Variants in TMEM164 observed in about 807,000 individuals in gnomAD.
TMEM164 encodes RP13-360B22.2.
A neutral mutation model predicts 18.8 loss-of-function variants in TMEM164; 4 were observed. The observed-to-expected ratio is 0.21, with a 90% confidence interval of 0.10 to 0.49. The LOEUF (loss-of-function observed/expected upper bound fraction) is 0.49. TMEM164 is among the 20% of genes least tolerant of loss of function. The pLI is 0.98. For missense variants in TMEM164, 108 were observed against 239.9 expected (o/e 0.45, Z 3.63); for synonymous variants, 86 against 101.7 (o/e 0.85, Z 0.93).
At chrX:110,110,812 A>C (rs2066280593) in intron 4 of TMEM164, among the ~76,000 whole-genome samples, 4 of 112,410 alleles carry the variant, frequency 3.6e-5, no homozygotes, top group African/African-American at 1.3e-4. Context: ...CAGTTACTCC[A>C]AGTGTGTAAC....
At chrX:110,152,512 T>C (rs2066958075) in intron 5 of TMEM164, among the ~76,000 whole-genome samples, 1 of 111,872 alleles carries the variant, frequency 8.9e-6, no homozygotes. Flanking sequence ...TACATTTAAG[T>C]CTTTTATTCA....
intron 2 of TMEM164, among the ~76,000 whole-genome samples, chrX:110,011,135 AAG>A (rs752878502): frequency 8.9e-6 from 1 of 111,950 alleles, no homozygotes; most frequent in African/African-American, 3.3e-5. Flanking sequence ...TGGAGATTCA[AAG>A]AGAAATAAGA....
rs1213302827 is a variant in TMEM164, at chrX:110,175,907, A to G, written c.*2456A>G. On this transcript the variant is annotated 3_prime_UTR_variant, in exon 7 of 7. Coordinates refer to ENST00000372068, the MANE Select transcript of TMEM164 (RefSeq NM_032227.4). Reference sequence around the variant, plus strand: ...GGCAGCCTGCCTTACAGGGTAGCCCACCTTATAGGGTAGCCCTCATATCTG... The same window carrying G: ...GGCAGCCTGCCTTACAGGGTAGCCCGCCTTATAGGGTAGCCCTCATATCTG... The G allele has an allele frequency of 4.0e-6, 3 of 754,245 alleles. No individual in the cohort carries two copies. Among genetic ancestry groups the G allele is most frequent in the Admixed American group, 8.7e-5 (1 of 11,494 alleles). 62.2% of individuals were successfully genotyped at this position (754,245 alleles called of 1,213,427 possible). A position where few individuals can be genotyped will look rare whatever the true frequency, so the allele number is the denominator to read the frequency against.
intron 3 of TMEM164, among the ~76,000 whole-genome samples, chrX:110,105,092 T>C (rs1239740181): frequency 9.2e-6 from 1 of 109,251 alleles, no homozygotes; most frequent in Non-Finnish European, 1.9e-5. Flanking sequence ...TATTCCTTTT[T>C]CCCTTCCTGT....
intron 2 of TMEM164, among the ~76,000 whole-genome samples, chrX:110,062,473 T>A (rs1260207638): frequency 9.0e-6 from 1 of 111,397 alleles, no homozygotes; most frequent in East Asian, 2.8e-4. Flanking sequence ...GGAATAGCAA[T>A]TTAAATAATT....
At chrX:110,109,214 T>C in intron 4 of TMEM164, 68 bp downstream of exon 4, 1 of 1,053,351 alleles carries the variant, frequency 9.5e-7, no homozygotes, top group Non-Finnish European at 1.3e-6. Flanking sequence ...GCCCATGTGA[T>C]TTTAAAAATA....
chrX:110,085,645 G>A (rs956857101), intron 3 of TMEM164, among the ~76,000 whole-genome samples: 4 of 111,087 alleles, frequency 3.6e-5, no homozygotes, highest in Non-Finnish European at 7.5e-5. Context: ...GTTTCACAGT[G>A]TCTGTCAGCT....
intron 2 of TMEM164, among the ~76,000 whole-genome samples, chrX:110,050,352 T>C (rs761214905): frequency 9.8e-5 from 11 of 111,952 alleles, no homozygotes; most frequent in Non-Finnish European, 2.1e-4. Context: ...GAAAGTGCTG[T>C]AATTTGAGGG....
chrX:110,165,001 C>T (rs781158065), intron 5 of TMEM164, among the ~76,000 whole-genome samples: 2 of 112,678 alleles, frequency 1.8e-5, no homozygotes, highest in South Asian at 7.3e-4. Flanking sequence ...TATCCTGTTC[C>T]CTTTTCCTGG....
At chrX:110,141,735 A>C (rs2066773433) in intron 4 of TMEM164, among the ~76,000 whole-genome samples, 1 of 112,595 alleles carries the variant, frequency 8.9e-6, no homozygotes, top group South Asian at 3.7e-4. Context: ...TACATGGTAC[A>C]TAATATAAGT....
chrX:110,015,607 C>A (rs1933318757), intron 2 of TMEM164, among the ~76,000 whole-genome samples: 1 of 110,090 alleles, frequency 9.1e-6, no homozygotes, highest in African/African-American at 3.3e-5. Context: ...ATTCTCTGCA[C>A]CCTGCAGGAA....
intron 5 of TMEM164, among the ~76,000 whole-genome samples, chrX:110,149,641 C>T (rs1384671864): frequency 8.9e-6 from 1 of 111,921 alleles, no homozygotes; most frequent in Non-Finnish European, 1.9e-5. Flanking sequence ...TATGGTTTTG[C>T]CTGCTTTCAC....
At chrX:110,054,772 C>G (rs184142570) in intron 2 of TMEM164, among the ~76,000 whole-genome samples, 2 of 111,770 alleles carry the variant, frequency 1.8e-5, no homozygotes, top group African/African-American at 6.5e-5. Flanking sequence ...TCAGCTTACC[C>G]AGGGCTGTTG....
At chrX:110,024,858 A>G (rs1186046726) in intron 2 of TMEM164, among the ~76,000 whole-genome samples, 2 of 112,089 alleles carry the variant, frequency 1.8e-5, no homozygotes, top group Non-Finnish European at 3.8e-5. Context: ...GGTCTAGTGT[A>G]TGGTATCATT....
intron 3 of TMEM164, among the ~76,000 whole-genome samples, chrX:110,084,777 C>G (rs1569321288): frequency 9.1e-6 from 1 of 110,082 alleles, no homozygotes. Context: ...TGTTAGCTTT[C>G]TAAGATAAAT....
At chrX:110,085,087 C>T (rs926507357) in intron 3 of TMEM164, among the ~76,000 whole-genome samples, 1 of 108,679 alleles carries the variant, frequency 9.2e-6, no homozygotes, top group African/African-American at 3.3e-5. Flanking sequence ...AAAATTAAGA[C>T]GTTTTTGTTT....
At chrX:110,037,173 G>A (rs1162972259) in intron 2 of TMEM164, among the ~76,000 whole-genome samples, 1 of 111,161 alleles carries the variant, frequency 9.0e-6, no homozygotes. Context: ...TGATTCCAGC[G>A]GGAGGTGTAT....
At chrX:110,004,308 C>T (rs1186578295) in intron 2 of TMEM164, 144 bp downstream of exon 2, 7 of 757,336 alleles carry the variant, frequency 9.2e-6, no homozygotes, top group South Asian at 5.5e-5. Context: ...GCCTTTGTGC[C>T]GATTTCAGGT....
intron 2 of TMEM164, 49 bp from the exon 3 acceptor site, chrX:110,067,298 G>A: frequency 1.8e-6 from 2 of 1,136,187 alleles, no homozygotes; most frequent in Non-Finnish European, 2.4e-6. Flanking sequence ...GTCTCACTCT[G>A]TCTGGCATTT....
Sources: gnomAD v4.1 joint callset for allele counts (sites outside exome capture counted in the v4.1 genomes callset) on GRCh38, gnomAD v4.1.1 for gene constraint, MANE v1.5 for transcripts, NCBI Gene and HGNC (gene_info 2026-07-23, HGNC 2026-07-21) for gene names.